The following EML6 variants were observed in gnomAD, a reference collection of about 807,000 sequenced individuals.
EML6 encodes echinoderm microtubule-associated protein-like 6.
Under a neutral mutation model 240.1 loss-of-function variants are expected in EML6, and 154 were observed. That is an observed-to-expected ratio of 0.64 (90% CI 0.56 to 0.73). The LOEUF is 0.73. Ranked by LOEUF, EML6 falls within the 30% of genes least tolerant of loss-of-function variation. The pLI, the probability that EML6 is intolerant of heterozygous loss-of-function variation, is 0.00. For missense variants in EML6, 2,964 were observed against 2,474.6 expected, an observed-to-expected ratio of 1.20 and a Z score of -4.20; for synonymous variants, 1,148 against 899.0, an observed-to-expected ratio of 1.28 and a Z score of -4.95.
intron 16 of EML6, among the ~76,000 whole-genome samples, chr2:54,878,879 T>C (rs1671663810): frequency 6.6e-6 from 1 of 152,218 alleles, no homozygotes; most frequent in Non-Finnish European, 1.5e-5. Context: ...GTGTAAAGAT[T>C]GGTAGGATAT....
At chr2:54,734,917 T>C (rs1683327531) in intron 2 of EML6, among the ~76,000 whole-genome samples, 2 of 152,232 alleles carry the variant, frequency 1.3e-5, no homozygotes, top group South Asian at 4.1e-4. Context: ...CAAGATGTTC[T>C]CCACGGTCTA....
intron 4 of EML6, among the ~76,000 whole-genome samples, chr2:54,820,179 TTC>T (rs1668266645): frequency 6.6e-6 from 1 of 152,182 alleles, no homozygotes; most frequent in African/African-American, 2.4e-5. Context: ...TTATGGTAAG[TTC>T]TCTCTCTACT....
rs750627233 is a variant in EML6 at position 54,847,567 on chromosome 2, C to T, written c.1131C>T (p.Asp377=). 4.3e-5 allele frequency: 66 copies of T among 1,552,192 alleles called. 1 individual carries two copies. The South Asian group carries it at 4.5e-4, about 11-fold the overall frequency. ...TTCGCAGTGTAGCTTTCAGCCCCGA[C>T]GGATCTCAGCTGGCCCTGGGCATGA... The part of the protein sequence containing the change: ...EAVRSVAFSP[D]GSQLALGMKD... Residue 377 remains aspartate (D), a synonymous_variant, in exon 9 of 42, where the codon GAC becomes GAT. Transcript: ENST00000356458.
intron 2 of EML6, among the ~76,000 whole-genome samples, chr2:54,756,124 A>ATATC (rs1667715920): frequency 1.3e-5 from 2 of 152,228 alleles, no homozygotes; most frequent in Admixed American, 1.3e-4. Flanking sequence ...CGTGAGCGAT[A>ATATC]GGTGGCAGTT....
intron 21 of EML6, among the ~76,000 whole-genome samples, chr2:54,898,620 A>C (rs1201233924): frequency 6.6e-6 from 1 of 152,212 alleles, no homozygotes; most frequent in Non-Finnish European, 1.5e-5. Flanking sequence ...GTTTTGCTCA[A>C]ATAGCTTCTC....
chr2:54,834,470 C>T (rs146602844), intron 7 of EML6, among the ~76,000 whole-genome samples: 2 of 152,314 alleles, frequency 1.3e-5, no homozygotes, highest in East Asian at 3.9e-4. Flanking sequence ...TAATTATTCA[C>T]ACAGTATAAG....
rs1211795391 is a variant in EML6, at chr2:54,725,120, G to GGCTGGAGT, written c.60_61insCTGGAGTG (p.Gly21LeufsTer104). 1.9e-6 allele frequency: 3 copies of GGCTGGAGT among 1,540,656 alleles called. No individual in the cohort carries two copies. On this transcript the variant is annotated frameshift_variant, in exon 2 of 42. Coordinates refer to ENST00000356458, the MANE Select transcript of EML6 (RefSeq NM_001039753.4). LOFTEE classifies it high-confidence loss of function. The surrounding 1 kb of genome is among the most constrained non-coding windows in gnomAD (Gnocchi z 4.3). ...CGGCTGGAGTGGGTGTACGGGTACC[G>GGCTGGAGT]GGGTCACCAGTGCCGCAACAACCTG...
Position 54,968,656 on chromosome 2 carries a change from T to A in EML6, c.5752-12T>A. 3.9e-6 allele frequency: 6 copies of A among 1,530,604 alleles called. No homozygotes were observed. The highest frequency in any genetic ancestry group is 1.4e-5 in the African/African-American group (1 of 72,664). 94.8% of individuals were successfully genotyped at this position (1,530,604 alleles called of 1,614,324 possible). A position where few individuals can be genotyped will look rare whatever the true frequency, so the allele number is the denominator to read the frequency against. On this transcript the variant is annotated splice_polypyrimidine_tract_variant and intron_variant, in intron 40 of 41. Coordinates refer to ENST00000356458, the MANE Select transcript of EML6 (RefSeq NM_001039753.4). ...GGGTCTCTTAGCTGTCTCCATTCAC[T>A]TTTGCTCACAGGCCAAACATAAGCG...
At chr2:54,799,370 A>AT (rs200456173) in intron 2 of EML6, among the ~76,000 whole-genome samples, 23 of 149,056 alleles carry the variant, frequency 1.5e-4, no homozygotes, top group African/African-American at 3.7e-4. Flanking sequence ...CTTTATTACT[A>AT]TTTTTTTTTA....
At chr2:54,832,997 C>A (rs369955093) in intron 7 of EML6, among the ~76,000 whole-genome samples, 1 of 152,178 alleles carries the variant, frequency 6.6e-6, no homozygotes, top group Non-Finnish European at 1.5e-5. Flanking sequence ...CAGCGACACT[C>A]GAATTCATTT....
chr2:54,838,317 C>A (rs74849142), intron 7 of EML6, among the ~76,000 whole-genome samples: 1 of 152,166 alleles, frequency 6.6e-6, no homozygotes, highest in Non-Finnish European at 1.5e-5. Flanking sequence ...TGTATTGATT[C>A]ATTCCTCAGT....
rs1186664874 is a variant in EML6, at chr2:54,910,713, T to C, written c.3410-241T>C. 2.6e-5 allele frequency among the ~76,000 whole-genome samples: 4 copies of C among 152,254 alleles called. No individual in the cohort carries two copies. In the East Asian group the frequency reaches 7.7e-4, roughly 29 times the overall value. On this transcript the variant is annotated intron_variant, in intron 24 of 41. Transcript: ENST00000356458. ...AAACATATCAAGCTTTATTCTTCTG[T>C]TATTTGAAGGATGTTGAAGATCAAA...
intron 2 of EML6, among the ~76,000 whole-genome samples, chr2:54,739,342 G>A (rs917066050): frequency 6.6e-6 from 1 of 152,130 alleles, no homozygotes; most frequent in Admixed American, 6.5e-5. Flanking sequence ...TCACAAGGTC[G>A]CAGGTGCTGC....
intron 24 of EML6, among the ~76,000 whole-genome samples, chr2:54,907,962 T>C (rs1364012842): frequency 1.6e-5 from 1 of 60,850 alleles, no homozygotes; most frequent in Non-Finnish European, 4.1e-5. Context: ...GATAGATAGA[T>C]AGATAGATAG....
chr2:54,862,303 A>G (rs893803606), intron 12 of EML6, among the ~76,000 whole-genome samples: 1 of 133,266 alleles, frequency 7.5e-6, no homozygotes, highest in African/African-American at 2.9e-5. Context: ...GTGCCACCGC[A>G]CTCCAGCCTG....
At chr2:54,828,840 C>G (rs966173687) in intron 6 of EML6, among the ~76,000 whole-genome samples, 2 of 152,210 alleles carry the variant, frequency 1.3e-5, no homozygotes, top group African/African-American at 2.4e-5. Flanking sequence ...GCTTAACAAG[C>G]GAACACAAGT....
chr2:54,867,630 C>T (rs1173663746), intron 14 of EML6: 1 of 152,214 alleles, frequency 6.6e-6, no homozygotes, highest in Non-Finnish European at 1.5e-5. Context: ...CCTCTAGTCC[C>T]AGCTACCCAG....
chr2:54,927,358 C>T (rs1674607539), intron 26 of EML6, among the ~76,000 whole-genome samples: 1 of 152,190 alleles, frequency 6.6e-6, no homozygotes, highest in East Asian at 1.9e-4. Context: ...CATGCCAGTC[C>T]AAAACCCTCT....
At position 54,854,892 on chromosome 2, in the gene EML6, G is replaced by T. The variant is rs138069087; in HGVS notation, c.1657+1037G>T. ...TAGATTGAGTAGTATACTTGCAGGG[G>T]GTAAGTTAGGCCTCCAAGAAAGTAC... On this transcript the variant is annotated intron_variant, in intron 11 of 41. Coordinates refer to ENST00000356458, the MANE Select transcript of EML6 (RefSeq NM_001039753.4). 6.6e-5 allele frequency among the ~76,000 whole-genome samples: 10 copies of T among 152,252 alleles called. 1 individual carries two copies. The East Asian group carries it at 1.9e-3, about 29-fold the overall frequency.
Sources: allele counts gnomAD v4.1 joint callset (sites outside exome capture counted in the v4.1 genomes callset), GRCh38; gene constraint gnomAD v4.1.1; non-coding constraint Gnocchi (gnomAD v3.1); transcripts MANE v1.5; gene names NCBI Gene and HGNC (gene_info 2026-07-23, HGNC 2026-07-21).